Variants in KISS1 observed in about 807,000 individuals in gnomAD.
The protein encoded by KISS1 is KiSS-1 metastasis suppressor.
For missense variants in KISS1, 182 were observed against 182.7 expected (o/e 1.00, Z 0.02); for synonymous variants, 97 against 88.7 (o/e 1.09, Z -0.52).
chr1:204,190,543 G>T lies in KISS1; in HGVS notation c.358C>A (p.Arg120Ser), dbSNP rs760447526. 1.9e-6 allele frequency: 3 copies of T among 1,608,734 alleles called. No individual in the cohort carries two copies. Among genetic ancestry groups the T allele is most frequent in the East Asian group, 2.2e-5 (1 of 44,748 alleles). Residue 120 changes from arginine to serine, a missense_variant, in exon 3 of 3, where the codon CGC (arginine) becomes AGC (serine). Transcript: ENST00000367194. ...GGTGCCGCCTCCCGCTTGCCGAAGC[G>T]CAGGCCGAAGGAGTTCCAGTTGTAG... Reference protein sequence around the residue: ...PNYNWNSFGLRFGKREAAPGN... With the variant: ...PNYNWNSFGLSFGKREAAPGN...
intron 1 of KISS1, among the ~76,000 whole-genome samples, chr1:204,195,493 TAC>T (rs879920502): frequency 4.3e-4 from 55 of 127,120 alleles, no homozygotes; most frequent in African/African-American, 1.7e-3. Flanking sequence ...ATACACATCA[TAC>T]ACACACATAC....
Position 204,190,695 on chromosome 1 carries a change from G to T in KISS1, c.206C>A (p.Thr69Asn), listed in dbSNP as rs1658722878. 1 of 1,600,078 alleles carries T rather than the reference G, an allele frequency of 6.2e-7. No individual in the cohort carries two copies. The highest frequency in any genetic ancestry group is 1.1e-5 in the South Asian group (1 of 88,834). Residue 69 changes from threonine to asparagine, a missense_variant, in exon 3 of 3, where the codon ACC becomes AAC. Physicochemically the swap from Thr to Asn is moderately conservative, Grantham distance 65. Coordinates refer to ENST00000367194, the MANE Select transcript of KISS1 (RefSeq NM_002256.4). ...AATARLSRRGTSLSPPPESSG... is the reference protein window; with the variant it reads ...AATARLSRRGNSLSPPPESSG... ...GCTCTCGGGGGGCGGGGACAGCGAG[G>T]TCCCCCGACGGCTCAGCCTGGCAGT...
Position 204,190,633 on chromosome 1 carries a change from G to A in KISS1, c.268C>T (p.His90Tyr), listed in dbSNP as rs201073751. The change falls in exon 3 of 3, where the codon CAC becomes TAC. Residue 90 changes from histidine to tyrosine, a missense_variant. Transcript: ENST00000367194. ...SPQQPGLSAP[H>Y]SRQIPAPQGA... ...TGGGGTGCGGGGATCTGGCGGCTGT[G>A]GGGGGCGGACAGGCCCGGCTGCTGG... The A allele has an allele frequency of 1.0e-5, 16 of 1,584,610 alleles. No individual in the cohort carries two copies. In the Admixed American group the frequency reaches 2.1e-4, roughly 21 times the overall value.
rs1286978979 is a variant in KISS1 at position 204,190,668 on chromosome 1, G to T, written c.233C>A (p.Ser78Tyr). 1.3e-6 allele frequency: 2 copies of T among 1,588,672 alleles called. No homozygotes were observed. Among genetic ancestry groups the T allele is most frequent in the Middle Eastern group, 1.7e-4 (1 of 5,934 alleles). ...CAGGCCCGGCTGCTGGGGGCTCCCGGAGCTCTCGGGGGGCGGGGACAGCGA... is the reference window on the plus strand; with the variant it reads ...CAGGCCCGGCTGCTGGGGGCTCCCGTAGCTCTCGGGGGGCGGGGACAGCGA... ...GTSLSPPPES[S>Y]GSPQQPGLSA... Residue 78 changes from serine to tyrosine, a missense_variant, in exon 3 of 3, where the codon TCC becomes TAC. Coordinates refer to ENST00000367194, the MANE Select transcript of KISS1 (RefSeq NM_002256.4).
Position 204,192,349 on chromosome 1 carries a change from T to A in KISS1, c.103+425A>T, listed in dbSNP as rs1039732882. ...AATGAACTGGAGACAGTTCATTGTC[T>A]CCAAAAGGTTAATAGGTATCAAATA... is the stretch of plus-strand genomic sequence containing the variant. On this transcript the variant is annotated intron_variant, in intron 2 of 2. Transcript: ENST00000367194. The surrounding 1 kb of genome is among the most constrained non-coding windows in gnomAD (Gnocchi z 4.2). Among the ~76,000 whole-genome samples, 1 of 151,692 alleles carries A rather than the reference T, an allele frequency of 6.6e-6. No homozygotes were observed. Among genetic ancestry groups the A allele is most frequent in the African/African-American group, 2.4e-5 (1 of 41,302 alleles).
intron 1 of KISS1, among the ~76,000 whole-genome samples, chr1:204,195,011 T>C (rs1658810243): frequency 6.6e-6 from 1 of 151,896 alleles, no homozygotes; most frequent in African/African-American, 2.4e-5. Flanking sequence ...AGGAGGGCAG[T>C]GGGCTTGTGT....
chr1:204,194,147 C>G (rs1658796472), intron 1 of KISS1, among the ~76,000 whole-genome samples: 1 of 152,158 alleles, frequency 6.6e-6, no homozygotes, highest in Non-Finnish European at 1.5e-5. Flanking sequence ...GAGTAAGAAC[C>G]CTGAAATGGA....
rs1194935052 is a variant in KISS1 at position 204,190,746 on chromosome 1, G to C, written c.155C>G (p.Pro52Arg). 5 of 1,610,880 alleles carry C rather than the reference G, an allele frequency of 3.1e-6. No homozygotes were observed. Among genetic ancestry groups the C allele is most frequent in the Non-Finnish European group, 3.4e-6 (4 of 1,179,470 alleles). ...GLLAPGEQSLPCTERKPAATA... is the reference protein window; with the variant it reads ...GLLAPGEQSLRCTERKPAATA... ...AGCAGCTGGCTTCCTCTCGGTGCACGGCAGGCTCTGCTCCCCGGGGGCCAG... is the reference window on the plus strand; with the variant it reads ...AGCAGCTGGCTTCCTCTCGGTGCACCGCAGGCTCTGCTCCCCGGGGGCCAG... The change falls in exon 3 of 3, where the codon CCG becomes CGG. Residue 52 changes from proline to arginine, a missense_variant. By Grantham distance (103) the Pro-to-Arg change is moderately radical. Transcript: ENST00000367194.
At chr1:204,191,237 A>C (rs1658737727) in intron 2 of KISS1, among the ~76,000 whole-genome samples, 1 of 152,150 alleles carries the variant, frequency 6.6e-6, no homozygotes, top group Non-Finnish European at 1.5e-5. Flanking sequence ...ATGCCTGTTA[A>C]ATACATAAAA....
chr1:204,192,750 C>G lies in KISS1; in HGVS notation c.103+24G>C. 6.8e-7 allele frequency: 1 copy of G among 1,476,306 alleles called. No homozygotes were observed. Among genetic ancestry groups the G allele is most frequent in the Non-Finnish European group, 9.4e-7 (1 of 1,067,046 alleles). The allele number at this position is 1,476,306 out of a possible 1,614,324, so 91.5% of individuals were successfully genotyped here. A position where few individuals can be genotyped will look rare whatever the true frequency, so the allele number is the denominator to read the frequency against. ...GCAACAACCCACTTGCTCCCTCCCACTCCTTTCCCCAGAGGATACATACCT... is the reference window on the plus strand; with the variant it reads ...GCAACAACCCACTTGCTCCCTCCCAGTCCTTTCCCCAGAGGATACATACCT... On this transcript the variant is annotated intron_variant, in intron 2 of 2. Coordinates refer to ENST00000367194, the MANE Select transcript of KISS1 (RefSeq NM_002256.4). This position sits in a 1 kb window ranked among gnomAD's most constrained non-coding sequence, Gnocchi z 4.2.
chr1:204,190,776 C>G lies in KISS1; in HGVS notation c.125G>C (p.Gly42Ala). The change falls in exon 3 of 3, where the codon GGC becomes GCC. Residue 42 changes from glycine to alanine, a missense_variant. Gly to Ala is a moderately conservative substitution (Grantham distance 60, BLOSUM62 0). Transcript: ENST00000367194. ...GCTCTGCTCCCCGGGGGCCAGGAGG[C>G]CCAGGGATTCTAGCTGCTGGCCTAG... ...RPTGQQLESLGLLAPGEQSLP... is the reference protein window; with the variant it reads ...RPTGQQLESLALLAPGEQSLP... The G allele has an allele frequency of 6.2e-7, 1 of 1,611,650 alleles. No individual in the cohort carries two copies.
rs534915296 is a variant in KISS1 at position 204,191,572 on chromosome 1, T to C, written c.104-775A>G. On this transcript the variant is annotated intron_variant, in intron 2 of 2. Transcript: ENST00000367194. Reference sequence around the variant, plus strand: ...AGGGCAACTAGCTCTGTGTAGACAATAACCCCAGCCCATTGCGGCAAGAGA... The same window carrying C: ...AGGGCAACTAGCTCTGTGTAGACAACAACCCCAGCCCATTGCGGCAAGAGA... Among the ~76,000 whole-genome samples, 3 of 152,314 alleles carry C rather than the reference T, an allele frequency of 2.0e-5. No homozygotes were observed. In the East Asian group the frequency reaches 5.8e-4, roughly 29 times the overall value.
rs368447462 is a variant in KISS1 at position 204,192,745 on chromosome 1, T to G, written c.103+29A>C. ...ATTTTGCAACAACCCACTTGCTCCCTCCCACTCCTTTCCCCAGAGGATACA... is the reference window on the plus strand; with the variant it reads ...ATTTTGCAACAACCCACTTGCTCCCGCCCACTCCTTTCCCCAGAGGATACA... On this transcript the variant is annotated intron_variant, in intron 2 of 2. Coordinates refer to ENST00000367194, the MANE Select transcript of KISS1 (RefSeq NM_002256.4). This position sits in a 1 kb window ranked among gnomAD's most constrained non-coding sequence, Gnocchi z 4.2. 1.4e-6 allele frequency: 2 copies of G among 1,421,238 alleles called. No individual in the cohort carries two copies. The highest frequency in any genetic ancestry group is 1.4e-5 in the African/African-American group (1 of 71,448). 88.0% of individuals were successfully genotyped at this position (1,421,238 alleles called of 1,614,324 possible).
chr1:204,190,667 G>A lies in KISS1; in HGVS notation c.234C>T (p.Ser78=), dbSNP rs770469956. 1.3e-6 allele frequency: 2 copies of A among 1,587,588 alleles called. No homozygotes were observed. The highest frequency in any genetic ancestry group is 2.3e-5 in the East Asian group (1 of 43,744). Reference sequence around the variant, plus strand: ...ACAGGCCCGGCTGCTGGGGGCTCCCGGAGCTCTCGGGGGGCGGGGACAGCG... The same window carrying A: ...ACAGGCCCGGCTGCTGGGGGCTCCCAGAGCTCTCGGGGGGCGGGGACAGCG... ...GTSLSPPPES[S]GSPQQPGLSA... is the part of the protein sequence containing the mutation. Residue 78 remains serine, a synonymous_variant, in exon 3 of 3, where the codon TCC becomes TCT. Coordinates refer to ENST00000367194, the MANE Select transcript of KISS1 (RefSeq NM_002256.4).
At chr1:204,195,372 CCTATA>C (rs2102331275) in intron 1 of KISS1, among the ~76,000 whole-genome samples, 1 of 138,444 alleles carries the variant, frequency 7.2e-6, no homozygotes, top group Non-Finnish European at 1.5e-5. Context: ...CACACATACA[CCTATA>C]CACACACATC....
At chr1:204,193,154 G>GGAA in intron 1 of KISS1, among the ~76,000 whole-genome samples, 1 of 152,326 alleles carries the variant, frequency 6.6e-6, no homozygotes, top group East Asian at 1.9e-4. Flanking sequence ...AGGGCTTCCT[G>GGAA]GAGGAGGTGA....
Position 204,192,794 on chromosome 1 carries a change from A to C in KISS1, c.83T>G (p.Val28Gly), listed in dbSNP as rs768933129. ...FGEPLEKVAS[V>G]GNSRPTGQQL... is the part of the protein sequence containing the mutation. The stretch of plus-strand genomic sequence containing the variant: ...CATACCTGTGGGTCTAGAATTCCCC[A>C]CAGAGGCCACCTTTTCTAATGGCTC... Residue 28 changes from valine (V) to glycine (G), a missense_variant, in exon 2 of 3, where the codon GTG becomes GGG. Val to Gly is a moderately radical substitution (Grantham distance 109, BLOSUM62 -3). Coordinates refer to ENST00000367194, the MANE Select transcript of KISS1 (RefSeq NM_002256.4). This position sits in a 1 kb window ranked among gnomAD's most constrained non-coding sequence, Gnocchi z 4.2. The C allele has an allele frequency of 6.9e-6, 11 of 1,597,442 alleles. 1 individual carries two copies. In the South Asian group the frequency reaches 1.2e-4, roughly 18 times the overall value.
At chr1:204,195,599 C>T (rs1387159324) in intron 1 of KISS1, among the ~76,000 whole-genome samples, 1 of 151,166 alleles carries the variant, frequency 6.6e-6, no homozygotes, top group Non-Finnish European at 1.5e-5. Context: ...ACACACGCCA[C>T]ACACATATAC....
chr1:204,193,371 T>C (rs1230028351), intron 1 of KISS1, among the ~76,000 whole-genome samples: 4 of 152,014 alleles, frequency 2.6e-5, no homozygotes, highest in African/African-American at 9.7e-5. Context: ...AACTTTGAGG[T>C]TCCAATATTC....
Sources: allele counts gnomAD v4.1 joint callset (sites outside exome capture counted in the v4.1 genomes callset), GRCh38; gene constraint gnomAD v4.1.1; non-coding constraint Gnocchi (gnomAD v3.1); transcripts MANE v1.5; gene names NCBI Gene and HGNC (gene_info 2026-07-23, HGNC 2026-07-21).